JARID2: variants seen among roughly 807,000 people sequenced by gnomAD.
JARID2 encodes the protein jumonji and AT-rich interaction domain containing 2, also known as protein Jumonji.
JARID2 carries 21 observed loss-of-function variants against 125.6 expected under a neutral mutation model. That is an observed-to-expected ratio of 0.17 (90% confidence interval 0.12 to 0.24). The LOEUF is 0.24. Among genes scored for constraint, JARID2 ranks in the 10% least tolerant of loss-of-function variants. The pLI is 1.00. For missense variants in JARID2, 1,303 were observed against 1,639.6 expected, an observed-to-expected ratio of 0.79 and a Z score of 3.55; for synonymous variants, 736 against 661.6, an observed-to-expected ratio of 1.11 and a Z score of -1.73.
intron 11 of JARID2, among the ~76,000 whole-genome samples, chr6:15,508,054 G>A (rs547813674): frequency 6.6e-6 from 1 of 152,362 alleles, no homozygotes; most frequent in Admixed American, 6.5e-5. Context: ...GCTTCGGCCC[G>A]TGGGCGGCCG....
At chr6:15,505,712 A>G (rs1770972220) in intron 9 of JARID2, among the ~76,000 whole-genome samples, 1 of 152,248 alleles carries the variant, frequency 6.6e-6, no homozygotes, top group Non-Finnish European at 1.5e-5. Context: ...CGGCTGTTGA[A>G]TGCCACGCAG....
At chr6:15,287,329 A>G (rs527573500) in intron 1 of JARID2, among the ~76,000 whole-genome samples, 18 of 152,228 alleles carry the variant, frequency 1.2e-4, no homozygotes, top group Non-Finnish European at 2.2e-4. Context: ...ACATTGAAAT[A>G]TAGCCATCAA....
intron 4 of JARID2, among the ~76,000 whole-genome samples, chr6:15,465,297 G>GA (rs1436888597): frequency 6.6e-6 from 1 of 152,066 alleles, no homozygotes; most frequent in African/African-American, 2.4e-5. Context: ...TACAAAAAAT[G>GA]AAAAAATTAT....
chr6:15,489,124 A>G (rs1334090572), intron 6 of JARID2, among the ~76,000 whole-genome samples: 2 of 152,268 alleles, frequency 1.3e-5, no homozygotes, highest in African/African-American at 4.8e-5. Flanking sequence ...AAAGACAGAA[A>G]GACAGTGATT....
At chr6:15,375,707 C>T (rs541865635) in intron 2 of JARID2, among the ~76,000 whole-genome samples, 5 of 152,210 alleles carry the variant, frequency 3.3e-5, no homozygotes, top group East Asian at 1.9e-4. Context: ...TCACGTTGAA[C>T]GTAGCATCTT....
intron 2 of JARID2, among the ~76,000 whole-genome samples, chr6:15,391,727 G>T (rs896624594): frequency 6.6e-6 from 1 of 152,196 alleles, no homozygotes; most frequent in Non-Finnish European, 1.5e-5. Context: ...CGTAATTCTT[G>T]TTCTACCAGT....
chr6:15,352,455 C>T (rs1282898748), intron 1 of JARID2, among the ~76,000 whole-genome samples: 2 of 152,144 alleles, frequency 1.3e-5, no homozygotes, highest in South Asian at 2.1e-4. Flanking sequence ...CCCCAGAGGA[C>T]CACATGACCA....
chr6:15,256,998 A>G (rs1389922167), intron 1 of JARID2, among the ~76,000 whole-genome samples: 4 of 152,184 alleles, frequency 2.6e-5, no homozygotes, highest in African/African-American at 7.2e-5. Context: ...TTTGGACGCT[A>G]TAATTTTATA....
At chr6:15,428,941 A>T (rs7752012) in intron 3 of JARID2, among the ~76,000 whole-genome samples, 1 of 90,298 alleles carries the variant, frequency 1.1e-5, no homozygotes, top group Non-Finnish European at 2.2e-5. Context: ...CCCCCCCCCC[A>T]AAAAAAAAAA....
intron 1 of JARID2, among the ~76,000 whole-genome samples, chr6:15,321,097 G>T (rs888105313): frequency 2.6e-5 from 4 of 152,020 alleles, no homozygotes; most frequent in Non-Finnish European, 5.9e-5. Context: ...GAACTTAAAA[G>T]AATTTTTGGA....
chr6:15,510,341 C>T (rs187563357), intron 12 of JARID2, among the ~76,000 whole-genome samples: 6 of 152,244 alleles, frequency 3.9e-5, no homozygotes, highest in Non-Finnish European at 8.8e-5. Context: ...GGGGGCCTCC[C>T]CTCACATCCC....
chr6:15,467,846 C>T (rs1222420867), intron 4 of JARID2, among the ~76,000 whole-genome samples: 1 of 152,030 alleles, frequency 6.6e-6, no homozygotes, highest in African/African-American at 2.4e-5. Flanking sequence ...TTTTTTGTTA[C>T]TTTAAAATCC....
intron 3 of JARID2, among the ~76,000 whole-genome samples, chr6:15,451,317 G>C (rs548209966): frequency 2.6e-5 from 4 of 152,340 alleles, no homozygotes; most frequent in Non-Finnish European, 5.9e-5. Context: ...GAAGCCTGAA[G>C]AGTAGATTAG....
Position 15,391,367 on chromosome 6 carries a change from G to A in JARID2, c.181+17115G>A, listed in dbSNP as rs961163535. Among the ~76,000 whole-genome samples the A allele has an allele frequency of 7.2e-5, 11 of 152,298 alleles. No homozygotes were observed. In the East Asian group the frequency reaches 7.7e-4, roughly 11 times the overall value. On this transcript the variant is annotated intron_variant, in intron 2 of 17. Transcript: ENST00000341776. ...ACCCCACAGACTATTGGGTTCTGAAGTCTCTGAGGAGCCCTAGCAGAGAGT... is the reference window on the plus strand; with the variant it reads ...ACCCCACAGACTATTGGGTTCTGAAATCTCTGAGGAGCCCTAGCAGAGAGT...
Position 15,482,060 on chromosome 6 carries a change from A to G in JARID2, c.671-5247A>G, listed in dbSNP as rs527582755. On this transcript the variant is annotated intron_variant, in intron 5 of 17. Transcript: ENST00000341776. ...TCTGGTTTCAGGTACGGATACTGCA[A>G]TGAAGGATCTGTTTTTTTCAGATAA... Among the ~76,000 whole-genome samples, 39 of 152,338 alleles carry G rather than the reference A, an allele frequency of 2.6e-4. 1 individual carries two copies. The South Asian group carries it at 7.9e-3, about 31-fold the overall frequency.
intron 1 of JARID2, among the ~76,000 whole-genome samples, chr6:15,353,784 G>C (rs1437948130): frequency 6.6e-6 from 1 of 152,080 alleles, no homozygotes; most frequent in African/African-American, 2.4e-5. Context: ...TCTCTTTCTA[G>C]GGAAACGTAA....
chr6:15,434,753 G>T (rs891908484), intron 3 of JARID2, among the ~76,000 whole-genome samples: 1 of 152,214 alleles, frequency 6.6e-6, no homozygotes, highest in African/African-American at 2.4e-5. Context: ...AAGGAGATAA[G>T]ATTTTCATCT....
At chr6:15,495,116 C>A (rs184723920) in intron 6 of JARID2, among the ~76,000 whole-genome samples, 2 of 152,174 alleles carry the variant, frequency 1.3e-5, no homozygotes, top group Non-Finnish European at 2.9e-5. Flanking sequence ...CACATTGTGA[C>A]GCAGAGAAGA....
At chr6:15,507,458 A>G in intron 11 of JARID2, 42 bp downstream of exon 11, 3 of 1,555,618 alleles carry the variant, frequency 1.9e-6, no homozygotes, top group Non-Finnish European at 2.7e-6. Flanking sequence ...AGCTGTGTCC[A>G]TGAGTCCTAC....
Sources: gnomAD v4.1 joint callset for allele counts (sites outside exome capture counted in the v4.1 genomes callset) on GRCh38, gnomAD v4.1.1 for gene constraint, MANE v1.5 for transcripts, NCBI Gene and HGNC (gene_info 2026-07-23, HGNC 2026-07-21) for gene names.